KSR2: variants seen among roughly 807,000 people sequenced by gnomAD.
The protein encoded by KSR2 is kinase suppressor of ras 2.
In KSR2, 25 loss-of-function variants were observed where a neutral mutation model predicts 107.8. That is an observed-to-expected ratio of 0.23 (90% CI 0.17 to 0.32). KSR2 has a LOEUF of 0.32. Ranked by LOEUF, KSR2 falls within the 10% of genes least tolerant of loss-of-function variation. KSR2 has a pLI of 1.00. For missense variants in KSR2, 887 were observed against 1,268.9 expected (o/e 0.70, Z 4.57); for synonymous variants, 480 against 507.0 (o/e 0.95, Z 0.71).
At chr12:117,821,276 G>A (rs1353257283) in intron 3 of KSR2, among the ~76,000 whole-genome samples, 1 of 152,056 alleles carries the variant, frequency 6.6e-6, no homozygotes, top group Non-Finnish European at 1.5e-5. Context: ...TTAACTGCAT[G>A]GGTCTACTTA....
chr12:117,776,889 C>A (rs1889702856), intron 3 of KSR2, among the ~76,000 whole-genome samples: 1 of 151,796 alleles, frequency 6.6e-6, no homozygotes, highest in Admixed American at 6.6e-5. Flanking sequence ...ACAATCAGTT[C>A]TTGTTATTTG....
chr12:117,606,686 G>C (rs115166205), intron 5 of KSR2, among the ~76,000 whole-genome samples: 2,811 of 108,674 alleles, frequency 0.026, 113 homozygotes, highest in South Asian at 0.14. Flanking sequence ...CTCCCTGCCT[G>C]CCTCCCTTCC....
intron 4 of KSR2, among the ~76,000 whole-genome samples, chr12:117,691,409 A>G (rs1027056881): frequency 2.0e-5 from 3 of 152,184 alleles, no homozygotes; most frequent in African/African-American, 7.2e-5. Flanking sequence ...AAACTGGATA[A>G]GAGCCTCCCT....
chr12:117,566,483 G>A (rs1878504169), intron 7 of KSR2, among the ~76,000 whole-genome samples: 2 of 152,120 alleles, frequency 1.3e-5, no homozygotes, highest in Non-Finnish European at 2.9e-5. Flanking sequence ...GAGAACATGT[G>A]GTATTTGGTT....
rs372136131 is a variant in KSR2, at chr12:117,952,927, G to A, written c.180+15149C>T. Among the ~76,000 whole-genome samples, 7 of 140,164 alleles carry A rather than the reference G, an allele frequency of 5.0e-5. No individual in the cohort carries two copies. The South Asian group carries it at 6.7e-4, about 13-fold the overall frequency. 92.0% of individuals were successfully genotyped at this position (140,164 alleles called of 152,430 possible). A position where few individuals can be genotyped will look rare whatever the true frequency, so the allele number is the denominator to read the frequency against. ...TTGAACCTGGGAGGCAGAGGTTGCC[G>A]TTAGCCAAGATTGCACCACTGTACT... On this transcript the variant is annotated intron_variant, in intron 1 of 19. Coordinates refer to ENST00000339824, the MANE Select transcript of KSR2 (RefSeq NM_173598.6).
At chr12:117,685,321 C>T (rs759603070) in intron 4 of KSR2, among the ~76,000 whole-genome samples, 22 of 152,202 alleles carry the variant, frequency 1.4e-4, no homozygotes, top group Non-Finnish European at 2.9e-4. Context: ...CCATCATTTC[C>T]GACTGAACCA....
At chr12:117,737,782 CAAAAAAAAA>C (rs10587288) in intron 4 of KSR2, among the ~76,000 whole-genome samples, 1 of 84,066 alleles carries the variant, frequency 1.2e-5, no homozygotes, top group African/African-American at 3.9e-5. Flanking sequence ...AATCCTGTCT[CAAAAAAAAA>C]AAAAAAAAAA....
chr12:117,663,421 G>C (rs893433249), intron 5 of KSR2, among the ~76,000 whole-genome samples: 1 of 152,182 alleles, frequency 6.6e-6, no homozygotes, highest in Non-Finnish European at 1.5e-5. Context: ...TTTGTGCAAT[G>C]CCTGGAGCAT....
intron 4 of KSR2, among the ~76,000 whole-genome samples, chr12:117,677,894 T>C (rs1885202101): frequency 6.6e-6 from 1 of 152,148 alleles, no homozygotes; most frequent in Admixed American, 6.5e-5. Flanking sequence ...TTGCAGGTGG[T>C]TCCATCTCAC....
intron 3 of KSR2, among the ~76,000 whole-genome samples, chr12:117,802,252 C>T (rs1890857913): frequency 6.6e-6 from 1 of 151,972 alleles, no homozygotes; most frequent in Non-Finnish European, 1.5e-5. Flanking sequence ...ATCTTCAGAC[C>T]TCTCTCTCTG....
intron 14 of KSR2, among the ~76,000 whole-genome samples, chr12:117,494,274 C>A (rs1872904563): frequency 1.3e-5 from 2 of 150,126 alleles, no homozygotes. Flanking sequence ...GTGTACCACA[C>A]CTGGTCTACT....
intron 14 of KSR2, among the ~76,000 whole-genome samples, chr12:117,513,911 C>T (rs182811570): frequency 1.3e-5 from 2 of 152,232 alleles, no homozygotes; most frequent in South Asian, 2.1e-4. Context: ...AAGTAGGTAC[C>T]GTTCAATTCC....
rs746435184 is a variant in KSR2 at position 117,582,323 on chromosome 12, G to C, written c.1208C>G (p.Pro403Arg). 2.5e-6 allele frequency: 4 copies of C among 1,613,836 alleles called. No individual in the cohort carries two copies. The South Asian group carries it at 4.4e-5, about 18-fold the overall frequency. Residue 403 changes from proline to arginine, a missense_variant, in exon 6 of 20, where the codon CCT becomes CGT. By Grantham distance (103) the Pro-to-Arg change is moderately radical (BLOSUM62 -2). Coordinates refer to ENST00000339824, the MANE Select transcript of KSR2 (RefSeq NM_173598.6). ...GATGGAGTTGCCGAGATCTCTGCGA[G>C]GGATCTGCGGGGACCAGCGTGGCAC... ...LSVPRWSPQI[P>R]RRDLGNSIKH...
chr12:117,488,707 T>C (rs1872597073), intron 14 of KSR2, among the ~76,000 whole-genome samples: 1 of 151,668 alleles, frequency 6.6e-6, no homozygotes, highest in Non-Finnish European at 1.5e-5. Context: ...TTTCTTTTTT[T>C]TTTTTTTGAG....
At chr12:117,848,817 T>TA (rs1566048249) in intron 3 of KSR2, among the ~76,000 whole-genome samples, 3 of 144,696 alleles carry the variant, frequency 2.1e-5, no homozygotes, top group Non-Finnish European at 3.0e-5. Context: ...GTGATGGTGG[T>TA]GGGTGGTGAT....
intron 4 of KSR2, among the ~76,000 whole-genome samples, chr12:117,702,205 A>G (rs183491546): frequency 2.5e-4 from 38 of 152,148 alleles, no homozygotes; most frequent in African/African-American, 6.7e-4. Flanking sequence ...GCCTCCCCCA[A>G]TGTCACTGGG....
chr12:117,577,140 G>A (rs1879329484), intron 7 of KSR2, among the ~76,000 whole-genome samples: 1 of 152,170 alleles, frequency 6.6e-6, no homozygotes. Flanking sequence ...CAGGGATGTG[G>A]GGAGGCCTGA....
chr12:117,592,202 C>T (rs7970894), intron 5 of KSR2, among the ~76,000 whole-genome samples: 17,499 of 151,576 alleles, frequency 0.12, 2,542 homozygotes, highest in African/African-American at 0.34. Flanking sequence ...CAACCTCCGC[C>T]TCCCAGGTTC....
intron 3 of KSR2, among the ~76,000 whole-genome samples, chr12:117,767,950 A>G (rs1341246373): frequency 2.0e-5 from 3 of 152,032 alleles, no homozygotes; most frequent in Non-Finnish European, 4.4e-5. Flanking sequence ...TCTCCTCCAG[A>G]GCTCCTGGAG....
Sources: allele counts gnomAD v4.1 joint callset (sites outside exome capture counted in the v4.1 genomes callset), GRCh38; gene constraint gnomAD v4.1.1; transcripts MANE v1.5; gene names NCBI Gene and HGNC (gene_info 2026-07-23, HGNC 2026-07-21).